The following TEAD1 variants were observed in gnomAD, a reference collection of about 807,000 sequenced individuals.
The protein encoded by TEAD1 is TEA domain transcription factor 1.
Under a neutral mutation model 54.9 loss-of-function variants are expected in TEAD1, and 9 were observed. The observed-to-expected ratio is 0.16, with a 90% CI of 0.10 to 0.29. The LOEUF (loss-of-function observed/expected upper bound fraction) is 0.29. Among genes scored for constraint, TEAD1 ranks in the 10% least tolerant of loss-of-function variants. TEAD1 has a pLI of 1.00. For synonymous variants in TEAD1, 200 were observed against 187.8 expected (o/e 1.07, Z -0.53); for missense variants, 387 against 535.9 (o/e 0.72, Z 2.74).
intron 10 of TEAD1, among the ~76,000 whole-genome samples, chr11:12,916,561 T>A (rs1425889216): frequency 6.6e-6 from 1 of 152,220 alleles, no homozygotes; most frequent in Admixed American, 6.5e-5. Flanking sequence ...GTGAATTTTA[T>A]ATGCATTATC....
At chr11:12,798,207 C>T (rs1184787977) in intron 3 of TEAD1, among the ~76,000 whole-genome samples, 3 of 152,114 alleles carry the variant, frequency 2.0e-5, no homozygotes, top group Non-Finnish European at 2.9e-5. Context: ...TTGGAGATGA[C>T]GTGTACCCAT....
intron 12 of TEAD1, among the ~76,000 whole-genome samples, chr11:12,933,847 C>T (rs1003411667): frequency 6.6e-6 from 1 of 152,228 alleles, no homozygotes; most frequent in Admixed American, 6.5e-5. Context: ...TACCATCTCA[C>T]ACCAGTTAGA....
At chr11:12,757,254 T>C (rs932654230) in intron 2 of TEAD1, among the ~76,000 whole-genome samples, 27 of 152,290 alleles carry the variant, frequency 1.8e-4, no homozygotes, top group Non-Finnish European at 3.2e-4. Flanking sequence ...TCTTCGAATT[T>C]CTTCCTTGGC....
At chr11:12,764,111 T>G in intron 2 of TEAD1, 68 bp from the exon 3 acceptor site, 2 of 1,012,890 alleles carry the variant, frequency 2.0e-6, no homozygotes, top group Non-Finnish European at 2.9e-6. Context: ...GAACTTGCAC[T>G]AGAGCTAGCA....
intron 2 of TEAD1, among the ~76,000 whole-genome samples, chr11:12,707,557 A>C (rs1207785631): frequency 1.3e-5 from 2 of 152,206 alleles, no homozygotes; most frequent in African/African-American, 4.8e-5. Context: ...TTGCAATTCT[A>C]ACCTTTTAAT....
intron 10 of TEAD1, among the ~76,000 whole-genome samples, chr11:12,923,672 C>G (rs186485223): frequency 1.3e-5 from 2 of 152,268 alleles, no homozygotes; most frequent in East Asian, 3.9e-4. Flanking sequence ...AAATTCATTT[C>G]TCACATTTCT....
intron 2 of TEAD1, among the ~76,000 whole-genome samples, chr11:12,685,762 C>G (rs1043979899): frequency 1.3e-5 from 2 of 152,054 alleles, no homozygotes; most frequent in African/African-American, 2.4e-5. Flanking sequence ...TTTAAACAAT[C>G]CAGTAACTAA....
At chr11:12,881,180 G>T in intron 7 of TEAD1, 129 bp downstream of exon 7, 1 of 1,042,774 alleles carries the variant, frequency 9.6e-7, no homozygotes, top group Non-Finnish European at 1.5e-6. Flanking sequence ...GTCCCAGAAG[G>T]CATCCCCTTT....
rs569865184 is a variant in TEAD1, at chr11:12,842,688, A to T, written c.203-19562A>T. 1.3e-4 allele frequency among the ~76,000 whole-genome samples: 20 copies of T among 152,178 alleles called. No homozygotes were observed. In the East Asian group the frequency reaches 3.5e-3, roughly 26 times the overall value. Reference sequence around the variant, plus strand: ...GCCGTTTCCTTTTTTTCATGCTTAAATCGTGTTTATGCCTGCCTGCCTTGT... The same window carrying T: ...GCCGTTTCCTTTTTTTCATGCTTAATTCGTGTTTATGCCTGCCTGCCTTGT... On this transcript the variant is annotated intron_variant, in intron 3 of 12. Coordinates refer to ENST00000527636, the MANE Select transcript of TEAD1 (RefSeq NM_021961.6).
chr11:12,893,477 A>C (rs1444150369), intron 9 of TEAD1, among the ~76,000 whole-genome samples: 3 of 152,202 alleles, frequency 2.0e-5, no homozygotes, highest in Non-Finnish European at 4.4e-5. Flanking sequence ...CCCTTTGGGA[A>C]GGAGGCCACT....
rs1945594174 is a variant in TEAD1, at chr11:12,783,098, T to TG, written c.202+18664_202+18665insG. The stretch of plus-strand genomic sequence containing the variant: ...AGAAGTCACTAAACCAGGTAAGGGT[T>TG]TGTGTGTGTGTGTGTGTGTGTGTGT... On this transcript the variant is annotated intron_variant, in intron 3 of 12. Transcript: ENST00000527636. 5.0e-4 allele frequency among the ~76,000 whole-genome samples: 70 copies of TG among 139,364 alleles called. 1 individual carries two copies. The highest frequency in any genetic ancestry group is 7.0e-3 in the Middle Eastern group (2 of 284). 91.4% of individuals were successfully genotyped at this position (139,364 alleles called of 152,430 possible).
At position 12,764,271 on chromosome 11, in the gene TEAD1, C is replaced by A; in HGVS notation, c.39C>A (p.Ala13=). The change falls in exon 3 of 13, where the codon GCC becomes GCA. Residue 13 remains alanine (A), a synonymous_variant. Transcript: ENST00000527636. Reference sequence around the variant, plus strand: ...GCTGGAGCGGCAGTGAGAGCCCTGCCGAAAACATGGAAAGGATGAGTGACT... The same window carrying A: ...GCTGGAGCGGCAGTGAGAGCCCTGCAGAAAACATGGAAAGGATGAGTGACT... 6.2e-7 allele frequency: 1 copy of A among 1,614,068 alleles called. No individual in the cohort carries two copies. The highest frequency in any genetic ancestry group is 1.1e-5 in the South Asian group (1 of 91,054).
At chr11:12,890,526 C>G (rs1009708176) in intron 9 of TEAD1, among the ~76,000 whole-genome samples, 1 of 152,202 alleles carries the variant, frequency 6.6e-6, no homozygotes, top group African/African-American at 2.4e-5. Context: ...TACCGCAGCT[C>G]AGCCTCAGTT....
intron 2 of TEAD1, among the ~76,000 whole-genome samples, chr11:12,722,673 T>A: frequency 6.7e-6 from 1 of 148,612 alleles, no homozygotes. Flanking sequence ...TTCACAAAAA[T>A]ACACTATAAC....
At chr11:12,724,304 T>TA (rs954307231) in intron 2 of TEAD1, among the ~76,000 whole-genome samples, 2 of 152,226 alleles carry the variant, frequency 1.3e-5, no homozygotes, top group African/African-American at 4.8e-5. Context: ...TCTATGTACA[T>TA]AAAGTAGAAT....
intron 3 of TEAD1, among the ~76,000 whole-genome samples, chr11:12,805,781 A>ATT (rs1946158134): frequency 6.6e-6 from 1 of 152,218 alleles, no homozygotes; most frequent in Non-Finnish European, 1.5e-5. Flanking sequence ...TGAAGCATTG[A>ATT]TTGATACACC....
At chr11:12,892,765 G>A (rs7117694) in intron 9 of TEAD1, among the ~76,000 whole-genome samples, 139,680 of 152,220 alleles carry the variant, frequency 0.92, 64,443 homozygotes, top group Admixed American at 0.96. Flanking sequence ...GTCTCTGGAG[G>A]AGCTTCCTAG....
intron 3 of TEAD1, among the ~76,000 whole-genome samples, chr11:12,799,591 C>T (rs1166445709): frequency 3.3e-5 from 5 of 152,174 alleles, no homozygotes; most frequent in Non-Finnish European, 7.3e-5. Context: ...TATTATCTTC[C>T]TTAGTCCAGC....
At chr11:12,851,560 G>A (rs1251126814) in intron 3 of TEAD1, among the ~76,000 whole-genome samples, 2 of 152,128 alleles carry the variant, frequency 1.3e-5, no homozygotes, top group Non-Finnish European at 2.9e-5. Flanking sequence ...TTGGGAGGCT[G>A]AGGTGGACAG....
Sources: gnomAD v4.1 joint callset for allele counts (sites outside exome capture counted in the v4.1 genomes callset) on GRCh38, gnomAD v4.1.1 for gene constraint, MANE v1.5 for transcripts, NCBI Gene and HGNC (gene_info 2026-07-23, HGNC 2026-07-21) for gene names.